The following IL2RA variants were observed in gnomAD, a reference collection of about 807,000 sequenced individuals.
IL2RA encodes the protein interleukin-2 receptor subunit alpha.
IL2RA carries 24 observed loss-of-function variants against 37.8 expected under a neutral mutation model. The ratio of observed to expected loss-of-function variants is 0.63; its 90% CI spans 0.46 to 0.89. The LOEUF (loss-of-function observed/expected upper bound fraction) is 0.89. Among genes scored for constraint, IL2RA ranks in the 40% least tolerant of loss-of-function variants. The pLI is 0.00. For missense variants in IL2RA, 319 were observed against 348.6 expected (o/e 0.92, Z 0.68); for synonymous variants, 125 against 114.6 (o/e 1.09, Z -0.58).
chr10:6,050,000 G>A (rs759436741), intron 1 of IL2RA, among the ~76,000 whole-genome samples: 5 of 152,174 alleles, frequency 3.3e-5, no homozygotes, highest in East Asian at 3.8e-4. Flanking sequence ...TGGCCAAGGC[G>A]TGCTATGTGC....
chr10:6,035,189 T>C lies in IL2RA; in HGVS notation c.65-9164A>G, dbSNP rs892866241. 4.6e-5 allele frequency among the ~76,000 whole-genome samples: 7 copies of C among 152,126 alleles called. No homozygotes were observed. Among genetic ancestry groups the C allele is most frequent in the African/African-American group, 1.4e-4 (6 of 41,434 alleles). On this transcript the variant is annotated intron_variant, in intron 1 of 7. Transcript: ENST00000379959. This position sits in a 1 kb window ranked among gnomAD's most constrained non-coding sequence, Gnocchi z 5.4. ...CTACTCCCACCAGGCAACTGAGTGGTATTTAGTCTGCAAGACTAGCCCAGA... is the reference window on the plus strand; with the variant it reads ...CTACTCCCACCAGGCAACTGAGTGGCATTTAGTCTGCAAGACTAGCCCAGA...
rs12415242 is a variant in IL2RA, at chr10:6,035,686, A to C, written c.65-9661T>G. On this transcript the variant is annotated intron_variant, in intron 1 of 7. Transcript: ENST00000379959. The surrounding 1 kb of genome is among the most constrained non-coding windows in gnomAD (Gnocchi z 5.4). ...TTTATGTGGGCAGAGGGAAAAAGAG[A>C]CAGCCAGCAGTGATCATTAATCCTG... 0.022 allele frequency among the ~76,000 whole-genome samples: 3,333 copies of C among 152,154 alleles called. 185 individuals are homozygous for C. The highest frequency in any genetic ancestry group is 0.18 in the East Asian group (927 of 5,174).
chr10:6,027,195 A>G (rs573514928), intron 1 of IL2RA, among the ~76,000 whole-genome samples: 98 of 152,236 alleles, frequency 6.4e-4, no homozygotes, highest in African/African-American at 2.3e-3. Context: ...GCGTGGTGGC[A>G]TGTGCCTGTG....
At position 6,035,657 on chromosome 10, in the gene IL2RA, G is replaced by A. The variant is rs1458107985; in HGVS notation, c.65-9632C>T. ...TGTGGCCTTCCTCTTTAGTTTTTGT[G>A]CCTTTTATGTGGGCAGAGGGAAAAA... On this transcript the variant is annotated intron_variant, in intron 1 of 7. Transcript: ENST00000379959. The surrounding 1 kb of genome is among the most constrained non-coding windows in gnomAD (Gnocchi z 5.4). 1.3e-5 allele frequency among the ~76,000 whole-genome samples: 2 copies of A among 152,162 alleles called. No individual in the cohort carries two copies. Among genetic ancestry groups the A allele is most frequent in the Non-Finnish European group, 2.9e-5 (2 of 68,032 alleles).
chr10:6,039,813 T>G (rs1839743447), intron 1 of IL2RA: 1 of 152,208 alleles, frequency 6.6e-6, no homozygotes, highest in Non-Finnish European at 1.5e-5. Flanking sequence ...CCCCAAGCCA[T>G]TTCCTTTTAC....
rs1839408344 is a variant in IL2RA, at chr10:6,022,771, T to C, written c.368-1078A>G. On this transcript the variant is annotated intron_variant, in intron 3 of 7. Coordinates refer to ENST00000379959, the MANE Select transcript of IL2RA (RefSeq NM_000417.3). The surrounding 1 kb of genome is among the most constrained non-coding windows in gnomAD (Gnocchi z 4.7). ...TTCTTTCCAATGAAAACACCCAAAC[T>C]GAGACAATCTTTGAAACATCCCTCA... is the stretch of plus-strand genomic sequence containing the variant. 6.8e-6 allele frequency among the ~76,000 whole-genome samples: 1 copy of C among 146,170 alleles called. No individual in the cohort carries two copies. Among genetic ancestry groups the C allele is most frequent in the African/African-American group, 2.4e-5 (1 of 40,864 alleles).
At position 6,033,322 on chromosome 10, in the gene IL2RA, C is replaced by A. The variant is rs77866737; in HGVS notation, c.65-7297G>T. Among the ~76,000 whole-genome samples, 1,082 of 146,630 alleles carry A rather than the reference C, an allele frequency of 7.4e-3. 6 individuals are homozygous for A. Among genetic ancestry groups the A allele is most frequent in the Middle Eastern group, 0.014 (4 of 288 alleles). On this transcript the variant is annotated intron_variant, in intron 1 of 7. Transcript: ENST00000379959. This position sits in a 1 kb window ranked among gnomAD's most constrained non-coding sequence, Gnocchi z 4.3. ...AAACAAAGAAACAAACAAACAACAACAAAAAAAAAACAAAAAAAGAAAGTA... is the reference window on the plus strand; with the variant it reads ...AAACAAAGAAACAAACAAACAACAAAAAAAAAAAAACAAAAAAAGAAAGTA...
At position 6,010,825 on chromosome 10, in the gene IL2RA, T is replaced by A. The variant is rs1839181001; in HGVS notation, c.*2047A>T. 1 of 152,208 alleles carries A rather than the reference T, an allele frequency of 6.6e-6. No homozygotes were observed. The highest frequency in any genetic ancestry group is 1.5e-5 in the Non-Finnish European group (1 of 68,020). The allele number at this position is 152,208 out of a possible 1,614,324, so 9.4% of individuals were successfully genotyped here. ...CATACACTTTTGAGAGAAGGACAGA[T>A]AAATGGTCGATAACATCTTAGTATT... On this transcript the variant is annotated 3_prime_UTR_variant, in exon 8 of 8. Transcript: ENST00000379959.
chr10:6,013,584 G>A (rs1490263133), intron 7 of IL2RA, among the ~76,000 whole-genome samples: 1 of 152,094 alleles, frequency 6.6e-6, no homozygotes, highest in Non-Finnish European at 1.5e-5. Flanking sequence ...TGTCTTCCCT[G>A]GTGTCAATCC....
rs769076988 is a variant in IL2RA, at chr10:6,028,810, C to T, written c.65-2785G>A. Among the ~76,000 whole-genome samples the T allele has an allele frequency of 3.3e-5, 5 of 152,050 alleles. No homozygotes were observed. The highest frequency in any genetic ancestry group is 5.9e-5 in the Non-Finnish European group (4 of 68,016). On this transcript the variant is annotated intron_variant, in intron 1 of 7. Coordinates refer to ENST00000379959, the MANE Select transcript of IL2RA (RefSeq NM_000417.3). This position sits in a 1 kb window ranked among gnomAD's most constrained non-coding sequence, Gnocchi z 4.1. ...GTCAGGAGTTCCAGACCAGCCTGGC[C>T]AGCATGGTGACATCCCATCTATACT...
intron 1 of IL2RA, among the ~76,000 whole-genome samples, chr10:6,049,182 G>A (rs1046736393): frequency 6.6e-6 from 1 of 152,178 alleles, no homozygotes; most frequent in Non-Finnish European, 1.5e-5. Flanking sequence ...GGAGCAGAGG[G>A]GCCCTGCTGT....
Position 6,026,019 on chromosome 10 carries a change from C to G in IL2RA, c.71G>C (p.Cys24Ser). ...IMVPGCQAEL[C>S]DDDPPEIPHA... ...TGGGATCTCTGGCGGGTCATCGTCA[C>G]AGAGCTCTGCAAAGCAAAAGAAGCC... Residue 24 changes from cysteine (C) to serine (S), a missense_variant, in exon 2 of 8, where the codon TGT (cysteine) becomes TCT (serine). Coordinates refer to ENST00000379959, the MANE Select transcript of IL2RA (RefSeq NM_000417.3). The G allele has an allele frequency of 6.2e-7, 1 of 1,612,848 alleles. No individual in the cohort carries two copies. The highest frequency in any genetic ancestry group is 8.5e-7 in the Non-Finnish European group (1 of 1,180,016).
At position 6,035,275 on chromosome 10, in the gene IL2RA, G is replaced by A. The variant is rs1322468168; in HGVS notation, c.65-9250C>T. The stretch of plus-strand genomic sequence containing the variant: ...TTGGGCCCCCGCTAGGGGACTTTCT[G>A]TTTGCCCTGGGTCTCCCTGTGTGGG... On this transcript the variant is annotated intron_variant, in intron 1 of 7. Transcript: ENST00000379959. This position sits in a 1 kb window ranked among gnomAD's most constrained non-coding sequence, Gnocchi z 5.4. Among the ~76,000 whole-genome samples, 1 of 152,228 alleles carries A rather than the reference G, an allele frequency of 6.6e-6. No homozygotes were observed. Among genetic ancestry groups the A allele is most frequent in the African/African-American group, 2.4e-5 (1 of 41,464 alleles).
At chr10:6,049,320 G>T (rs1020971489) in intron 1 of IL2RA, among the ~76,000 whole-genome samples, 1 of 152,186 alleles carries the variant, frequency 6.6e-6, no homozygotes, top group Non-Finnish European at 1.5e-5. Context: ...GTCCTCTATG[G>T]TTGGATGATC....
At chr10:6,038,171 C>G (rs1589303129) in intron 1 of IL2RA, among the ~76,000 whole-genome samples, 1 of 152,314 alleles carries the variant, frequency 6.6e-6, no homozygotes. Flanking sequence ...TCACCAGGTT[C>G]CCTGACTCCT....
chr10:6,016,305 G>A (rs1415692567), intron 7 of IL2RA, among the ~76,000 whole-genome samples: 2 of 152,076 alleles, frequency 1.3e-5, no homozygotes, highest in African/African-American at 2.4e-5. Flanking sequence ...GGGGCCCCTC[G>A]ACCTCAGACT....
intron 1 of IL2RA, among the ~76,000 whole-genome samples, chr10:6,045,397 T>C (rs982372107): frequency 6.6e-6 from 1 of 152,078 alleles, no homozygotes; most frequent in African/African-American, 2.4e-5. Context: ...AAACCAAAAA[T>C]ACCCCTACAA....
At position 6,056,971 on chromosome 10, in the gene IL2RA, C is replaced by G. The variant is rs1840055646; in HGVS notation, c.64+5117G>C. On this transcript the variant is annotated intron_variant, in intron 1 of 7. Transcript: ENST00000379959. This position sits in a 1 kb window ranked among gnomAD's most constrained non-coding sequence, Gnocchi z 5.0. The stretch of plus-strand genomic sequence containing the variant: ...GCTGCCCCTGTGTCTTGGGGCCTCT[C>G]TCCCTGGAATGTCACTGATGGAAAT... Among the ~76,000 whole-genome samples, 1 of 152,188 alleles carries G rather than the reference C, an allele frequency of 6.6e-6. No individual in the cohort carries two copies. Among genetic ancestry groups the G allele is most frequent in the Admixed American group, 6.5e-5 (1 of 15,288 alleles).
intron 1 of IL2RA, 140 bp downstream of exon 1, chr10:6,061,948 G>T: frequency 1.4e-6 from 1 of 692,330 alleles, no homozygotes; most frequent in Non-Finnish European, 2.6e-6. Context: ...GGTCCCCGTG[G>T]GTCACAGGCA....
Sources: gnomAD v4.1 joint callset for allele counts (sites outside exome capture counted in the v4.1 genomes callset) on GRCh38, gnomAD v4.1.1 for gene constraint, Gnocchi (gnomAD v3.1) non-coding constraint, MANE v1.5 for transcripts, NCBI Gene and HGNC (gene_info 2026-07-23, HGNC 2026-07-21) for gene names.